Variants in USP34 observed in about 807,000 individuals in gnomAD.
USP34 encodes ubiquitin specific peptidase 34.
A neutral mutation model predicts 460.3 loss-of-function variants in USP34; 70 were observed. The observed-to-expected ratio is 0.15, with a 90% CI of 0.13 to 0.19. The LOEUF (loss-of-function observed/expected upper bound fraction) is 0.19. Among genes scored for constraint, USP34 ranks in the 10% least tolerant of loss-of-function variants. The pLI is 1.00. For synonymous variants in USP34, 1,647 were observed against 1,405.3 expected, an observed-to-expected ratio of 1.17 and a Z score of -3.85; for missense variants, 3,985 against 4,236.2, an observed-to-expected ratio of 0.94 and a Z score of 1.65.
chr2:61,360,117 A>C (rs2085917958), intron 10 of USP34, among the ~76,000 whole-genome samples: 1 of 151,960 alleles, frequency 6.6e-6, no homozygotes. Context: ...AGTAAGGAAA[A>C]ACTGAAAGCT....
intron 1 of USP34, among the ~76,000 whole-genome samples, chr2:61,422,936 G>A (rs1030455277): frequency 6.6e-6 from 1 of 152,102 alleles, no homozygotes. Flanking sequence ...GAAGGTTAAG[G>A]CTGAAGTGAG....
chr2:61,226,943 T>G, intron 62 of USP34, 124 bp downstream of exon 62: 1 of 1,113,020 alleles, frequency 9.0e-7, no homozygotes, highest in Non-Finnish European at 1.2e-6. Context: ...TAAAAGCTAG[T>G]GAATAACAAT....
intron 30 of USP34, 119 bp downstream of exon 30, chr2:61,296,681 T>C: frequency 1.1e-5 from 12 of 1,060,636 alleles, no homozygotes; most frequent in South Asian, 7.5e-5. Context: ...ACCTACTATA[T>C]GGGTAAAAAC....
chr2:61,287,688 A>G (rs1689730312), intron 34 of USP34, among the ~76,000 whole-genome samples: 1 of 152,200 alleles, frequency 6.6e-6, no homozygotes, highest in South Asian at 2.1e-4. Flanking sequence ...TCTCTAGCTT[A>G]CTTTAAGAAT....
At chr2:61,198,799 G>A (rs144774612) in intron 75 of USP34, among the ~76,000 whole-genome samples, 28 of 152,274 alleles carry the variant, frequency 1.8e-4, no homozygotes, top group Middle Eastern at 3.4e-3. Context: ...AACCCGGGAG[G>A]TGGAGGATGC....
chr2:61,291,005 C>T (rs1271066135), intron 33 of USP34, among the ~76,000 whole-genome samples: 1 of 151,940 alleles, frequency 6.6e-6, no homozygotes, highest in African/African-American at 2.4e-5. Context: ...AGGGTGCTCT[C>T]AAGAAAGGGA....
rs1489695013 is a variant in USP34 at position 61,295,150 on chromosome 2, T to C, written c.4377+18A>G. On this transcript the variant is annotated intron_variant, in intron 31 of 79. Coordinates refer to ENST00000398571, the MANE Select transcript of USP34 (RefSeq NM_014709.4). ...AGAGAATACAAACATTTAATGATAA[T>C]AATGGAAATGCAATTACCGTAGACT... 1.2e-6 allele frequency: 2 copies of C among 1,601,870 alleles called. No individual in the cohort carries two copies. Among genetic ancestry groups the C allele is most frequent in the East Asian group, 2.2e-5 (1 of 44,710 alleles).
intron 1 of USP34, among the ~76,000 whole-genome samples, chr2:61,442,889 T>C (rs1329896527): frequency 8.5e-6 from 1 of 116,990 alleles, no homozygotes; most frequent in Non-Finnish European, 1.8e-5. Flanking sequence ...AAACAAAATG[T>C]GATGTGTGTA....
At chr2:61,378,193 G>A (rs571822050) in intron 8 of USP34, among the ~76,000 whole-genome samples, 170 bp downstream of exon 8, 1 of 152,166 alleles carries the variant, frequency 6.6e-6, no homozygotes, top group South Asian at 2.1e-4. Flanking sequence ...GGGAGAGTGA[G>A]TTATGTTACA....
chr2:61,193,636 G>A (rs563938658), intron 75 of USP34, among the ~76,000 whole-genome samples: 1 of 152,222 alleles, frequency 6.6e-6, no homozygotes, highest in East Asian at 1.9e-4. Flanking sequence ...CCTATCCTCT[G>A]TCATCCTATC....
At chr2:61,200,013 C>G (rs1381729033) in intron 75 of USP34, 1 of 152,346 alleles carries the variant, frequency 6.6e-6, no homozygotes, top group Non-Finnish European at 1.5e-5. Context: ...GTCCCTCTTA[C>G]CATTGCTCTT....
At chr2:61,362,262 A>C (rs987726659) in intron 10 of USP34, among the ~76,000 whole-genome samples, 3 of 152,212 alleles carry the variant, frequency 2.0e-5, no homozygotes, top group Admixed American at 1.3e-4. Context: ...TCCTCAAAAA[A>C]TTAAACAGAA....
At chr2:61,469,239 C>T (rs1695874044) in intron 1 of USP34, among the ~76,000 whole-genome samples, 1 of 152,072 alleles carries the variant, frequency 6.6e-6, no homozygotes, top group Non-Finnish European at 1.5e-5. Context: ...AAATCACCAA[C>T]AAAATTAAGT....
intron 79 of USP34, 89 bp from the exon 80 acceptor site, chr2:61,188,798 G>T: frequency 6.4e-7 from 1 of 1,565,508 alleles, no homozygotes; most frequent in Non-Finnish European, 8.6e-7. Context: ...TTTGTTTCTA[G>T]CATTTATATT....
At chr2:61,312,377 G>T (rs1377411013) in intron 25 of USP34, among the ~76,000 whole-genome samples, 1 of 151,982 alleles carries the variant, frequency 6.6e-6, no homozygotes, top group Non-Finnish European at 1.5e-5. Flanking sequence ...TCAATTCATG[G>T]CTGTTAAAAT....
chr2:61,406,034 C>G lies in USP34; in HGVS notation c.226G>C (p.Val76Leu), dbSNP rs764164974. ...LINLVIAQVQ[V>L]LRDQLCKHCT... ...TGTTTACAAAGCTGGTCCCGGAGCACTTGAACTTGGGCAATCACTAAGTTA... is the reference window on the plus strand; with the variant it reads ...TGTTTACAAAGCTGGTCCCGGAGCAGTTGAACTTGGGCAATCACTAAGTTA... The change falls in exon 3 of 80, where the codon GTG becomes CTG. Residue 76 changes from valine to leucine, a missense_variant. Coordinates refer to ENST00000398571, the MANE Select transcript of USP34 (RefSeq NM_014709.4). 1.9e-6 allele frequency: 3 copies of G among 1,613,772 alleles called. No homozygotes were observed. The South Asian group carries it at 3.3e-5, about 18-fold the overall frequency.
intron 2 of USP34, among the ~76,000 whole-genome samples, chr2:61,416,210 A>G (rs1335232128): frequency 6.6e-6 from 1 of 152,244 alleles, no homozygotes; most frequent in Non-Finnish European, 1.5e-5. Flanking sequence ...ATGCCAAAAT[A>G]AAAGGCAGAG....
intron 23 of USP34, 77 bp from the exon 24 acceptor site, chr2:61,315,051 T>C: frequency 8.3e-6 from 9 of 1,087,442 alleles, no homozygotes; most frequent in Middle Eastern, 2.9e-4. Context: ...GTATCAAAAG[T>C]AAAAATCATA....
chr2:61,313,465 G>C (rs769125794), intron 25 of USP34, among the ~76,000 whole-genome samples: 5 of 152,128 alleles, frequency 3.3e-5, no homozygotes, highest in African/African-American at 4.8e-5. Flanking sequence ...AAAAATTTTA[G>C]AAGTATGGGT....
Sources: gnomAD v4.1 joint callset for allele counts (sites outside exome capture counted in the v4.1 genomes callset) on GRCh38, gnomAD v4.1.1 for gene constraint, MANE v1.5 for transcripts, NCBI Gene and HGNC (gene_info 2026-07-23, HGNC 2026-07-21) for gene names.